Variants in FLT1 observed in about 807,000 individuals in gnomAD.
FLT1 encodes the protein fms related receptor tyrosine kinase 1, also known as vascular endothelial growth factor receptor 1.
FLT1 carries 49 observed loss-of-function variants against 156.3 expected under a neutral mutation model. The ratio of observed to expected loss-of-function variants is 0.31; its 90% confidence interval spans 0.25 to 0.40. The LOEUF (loss-of-function observed/expected upper bound fraction) is 0.40, where lower values mean the gene tolerates loss of function less well. Among genes scored for constraint, FLT1 ranks in the 10% least tolerant of loss-of-function variants. FLT1 has a pLI of 1.00. For missense variants in FLT1, 1,322 were observed against 1,637.2 expected, an observed-to-expected ratio of 0.81 and a Z score of 3.32; for synonymous variants, 594 against 583.8, an observed-to-expected ratio of 1.02 and a Z score of -0.25.
rs397687323 is a variant in FLT1 at position 28,481,442 on chromosome 13, T to TACACACACAC, written c.64+13328_64+13337dup. Reference sequence around the variant, plus strand: ...TATTTCTCCTAACCTCCTCCGCTTATACACACACACACACACACACACACA... The same window carrying TACACACACAC: ...TATTTCTCCTAACCTCCTCCGCTTATACACACACACACACACACACACACACACACACACA... On this transcript the variant is annotated intron_variant, in intron 1 of 29. Transcript: ENST00000282397. Among the ~76,000 whole-genome samples, 698 of 142,636 alleles carry TACACACACAC rather than the reference T, an allele frequency of 4.9e-3. 5 individuals carry two copies. The highest frequency in any genetic ancestry group is 6.4e-3 in the Non-Finnish European group (413 of 65,004). 93.6% of individuals were successfully genotyped at this position (142,636 alleles called of 152,430 possible).
chr13:28,374,070 T>C (rs552182501), intron 14 of FLT1, among the ~76,000 whole-genome samples: 4 of 152,186 alleles, frequency 2.6e-5, no homozygotes, highest in South Asian at 4.2e-4. Flanking sequence ...GGATTTCCGA[T>C]TGGGGTTATG....
intron 17 of FLT1, among the ~76,000 whole-genome samples, chr13:28,336,144 C>T (rs926501396): frequency 2.6e-5 from 4 of 152,188 alleles, no homozygotes; most frequent in Non-Finnish European, 5.9e-5. Context: ...ATAGTTTCAG[C>T]CCCCACATCC....
intron 1 of FLT1, among the ~76,000 whole-genome samples, chr13:28,475,648 G>A (rs1044138979): frequency 6.6e-6 from 1 of 152,114 alleles, no homozygotes; most frequent in Admixed American, 6.5e-5. Flanking sequence ...ATTTCCGGAC[G>A]CTACCAACAT....
intron 3 of FLT1, among the ~76,000 whole-genome samples, chr13:28,452,796 T>C (rs766117095): frequency 1.8e-4 from 28 of 151,954 alleles, no homozygotes; most frequent in Non-Finnish European, 3.7e-4. Flanking sequence ...CCAATGAAAA[T>C]AATAAAATCA....
chr13:28,483,630 C>T (rs1035623544), intron 1 of FLT1, among the ~76,000 whole-genome samples: 6 of 152,144 alleles, frequency 3.9e-5, no homozygotes, highest in Non-Finnish European at 8.8e-5. Context: ...TCCTTCTTGA[C>T]TTCTTGCAGG....
chr13:28,390,611 GATCTCGA>G (rs1397467030), intron 12 of FLT1, among the ~76,000 whole-genome samples: 4 of 152,140 alleles, frequency 2.6e-5, no homozygotes, highest in Non-Finnish European at 5.9e-5. Context: ...TGGCCAGGCT[GATCTCGA>G]ATTACTGGCC....
At chr13:28,474,242 G>C (rs1880412944) in intron 1 of FLT1, among the ~76,000 whole-genome samples, 1 of 152,070 alleles carries the variant, frequency 6.6e-6, no homozygotes. Context: ...TATCACCTGA[G>C]GTCAGGAGTT....
chr13:28,430,031 GAA>G lies in FLT1; in HGVS notation c.1106+17_1106+18del. ...ACAAAGTATGTCTTAAACTGTTATG[GAA>G]ATAAGGATGGTCCTACCATACAACT... is the stretch of plus-strand genomic sequence containing the variant. On this transcript the variant is annotated intron_variant, in intron 8 of 29. Transcript: ENST00000282397. 2 of 1,470,896 alleles carry G rather than the reference GAA, an allele frequency of 1.4e-6. No homozygotes were observed. The highest frequency in any genetic ancestry group is 1.9e-6 in the Non-Finnish European group (2 of 1,049,072). The allele number at this position is 1,470,896 out of a possible 1,614,324, so 91.1% of individuals were successfully genotyped here. A position where few individuals can be genotyped will look rare whatever the true frequency, so the allele number is the denominator to read the frequency against.
intron 24 of FLT1, among the ~76,000 whole-genome samples, 175 bp from the exon 25 acceptor site, chr13:28,317,772 T>C (rs1202311865): frequency 1.3e-5 from 2 of 152,160 alleles, no homozygotes; most frequent in African/African-American, 4.8e-5. Context: ...GCTCAGCAAA[T>C]CCTTGCTAAG....
chr13:28,395,798 T>C (rs576926620), intron 12 of FLT1, among the ~76,000 whole-genome samples: 3 of 152,344 alleles, frequency 2.0e-5, no homozygotes, highest in South Asian at 4.1e-4. Flanking sequence ...CAGGACTTCA[T>C]TGATGTTCCT....
chr13:28,398,683 T>C (rs1411192558), intron 11 of FLT1, among the ~76,000 whole-genome samples: 1 of 152,158 alleles, frequency 6.6e-6, no homozygotes, highest in Non-Finnish European at 1.5e-5. Context: ...TTATTGAAAT[T>C]ATTGGTAATG....
chr13:28,387,200 T>C (rs80274480), intron 13 of FLT1: 32,013 of 1,037,308 alleles, frequency 0.031, 569 homozygotes, highest in Non-Finnish European at 0.035. Flanking sequence ...CTCAATTAAA[T>C]ACAAGGTTCA....
intron 15 of FLT1, among the ~76,000 whole-genome samples, chr13:28,349,666 G>T (rs1872681928): frequency 6.6e-6 from 1 of 152,152 alleles, no homozygotes; most frequent in Non-Finnish European, 1.5e-5. Flanking sequence ...AGGCCCCCTT[G>T]ATTGTGGGAA....
intron 17 of FLT1, among the ~76,000 whole-genome samples, chr13:28,335,834 T>C (rs1872098020): frequency 6.6e-6 from 1 of 152,196 alleles, no homozygotes; most frequent in Admixed American, 6.5e-5. Flanking sequence ...TAGACCAGGA[T>C]GGGGACCCTC....
intron 10 of FLT1, among the ~76,000 whole-genome samples, chr13:28,421,814 C>CA (rs1283486782): frequency 6.6e-6 from 1 of 152,184 alleles, no homozygotes; most frequent in Non-Finnish European, 1.5e-5. Context: ...TAAGTTAACT[C>CA]ATTCATAGCT....
chr13:28,388,134 C>T (rs1874480588), intron 13 of FLT1: 10 of 1,057,508 alleles, frequency 9.5e-6, no homozygotes, highest in Non-Finnish European at 1.1e-5. Context: ...AGAAGCCAGG[C>T]CAAAGAGCCA....
At chr13:28,482,092 T>C (rs1019231949) in intron 1 of FLT1, among the ~76,000 whole-genome samples, 2 of 152,318 alleles carry the variant, frequency 1.3e-5, no homozygotes, top group African/African-American at 4.8e-5. Context: ...AATGACTGGC[T>C]ATAAAATCGG....
At position 28,339,212 on chromosome 13, in the gene FLT1, T is replaced by C; in HGVS notation, c.2444A>G (p.Tyr815Cys). 1 of 1,614,188 alleles carries C rather than the reference T, an allele frequency of 6.2e-7. No homozygotes were observed. Among genetic ancestry groups the C allele is most frequent in the Non-Finnish European group, 8.5e-7 (1 of 1,180,018 alleles). Residue 815 changes from tyrosine to cysteine, a missense_variant, in exon 17 of 30, where the codon TAT becomes TGT. By Grantham distance (194) the Tyr-to-Cys change is radical. Around this residue, in one of 3 missense-constraint regions of FLT1, gnomAD observed 991 missense variants for 1,254.8 expected, o/e 0.79. Transcript: ENST00000282397. ...GGCAAACTCCCACTTGCTGGCATCA[T>C]AAGGGAGCCGCTCACACTGCTCATC... ...PLDEQCERLPYDASKWEFARE... is the reference protein window; with the variant it reads ...PLDEQCERLPCDASKWEFARE...
At chr13:28,337,520 T>C (rs1324337768) in intron 17 of FLT1, among the ~76,000 whole-genome samples, 2 of 152,222 alleles carry the variant, frequency 1.3e-5, no homozygotes, top group Non-Finnish European at 2.9e-5. Context: ...GGAGTGTACC[T>C]CGGGGCCTTG....
Sources: allele counts gnomAD v4.1 joint callset (sites outside exome capture counted in the v4.1 genomes callset), GRCh38; gene constraint gnomAD v4.1.1; regional missense constraint gnomAD v4.1.1; transcripts MANE v1.5; gene names NCBI Gene and HGNC (gene_info 2026-07-23, HGNC 2026-07-21).